Variants in FGFRL1 observed in about 807,000 individuals in gnomAD.
FGFRL1 encodes the protein fibroblast growth factor receptor like 1, also known as fibroblast growth factor receptor-like 1.
In FGFRL1, 24 loss-of-function variants were observed where a neutral mutation model predicts 36.8. The observed-to-expected ratio is 0.65, with a 90% confidence interval of 0.47 to 0.92. FGFRL1 has a LOEUF of 0.92. Among genes scored for constraint, FGFRL1 ranks in the 40% least tolerant of loss-of-function variants. The probability of loss-of-function intolerance (pLI) is 0.00; values close to 1 mark genes in which losing one functional copy is unlikely to be tolerated. For synonymous variants in FGFRL1, 422 were observed against 344.1 expected (o/e 1.23, Z -2.50); for missense variants, 785 against 753.4 (o/e 1.04, Z -0.49).
Position 1,026,829 on chromosome 4 carries a change from TAG to T in FGFRL1, c.*1485_*1486del, listed in dbSNP as rs1716566862. On this transcript the variant is annotated 3_prime_UTR_variant, in exon 7 of 7. Coordinates refer to ENST00000510644, the MANE Select transcript of FGFRL1 (RefSeq NM_001004356.3). ...GGCCCCAGATCTCTGTAATTTTATG[TAG>T]AGTTTGAGCTGAAGCCCCGTATATT... The T allele has an allele frequency of 2.2e-6, 1 of 455,322 alleles. No individual in the cohort carries two copies. The highest frequency in any genetic ancestry group is 1.6e-5 in the South Asian group (1 of 64,334). 28.2% of individuals were successfully genotyped at this position (455,322 alleles called of 1,614,324 possible). A position where few individuals can be genotyped will look rare whatever the true frequency, so the allele number is the denominator to read the frequency against.
chr4:1,023,766 C>G lies in FGFRL1; in HGVS notation c.433+45C>G, dbSNP rs760647911. On this transcript the variant is annotated intron_variant, in intron 4 of 6. Coordinates refer to ENST00000510644, the MANE Select transcript of FGFRL1 (RefSeq NM_001004356.3). The surrounding 1 kb of genome is among the most constrained non-coding windows in gnomAD (Gnocchi z 6.0). ...GGTGGGGGGCGTCCGTCTGTCCCGG[C>G]CCCTTGGCTGCATCCCCGTCCTCTG... The G allele has an allele frequency of 1.3e-6, 2 of 1,552,124 alleles. No homozygotes were observed. The highest frequency in any genetic ancestry group is 2.7e-5 in the African/African-American group (2 of 73,696).
rs925555901 is a variant in FGFRL1, at chr4:1,025,063, G to T, written c.1231G>T (p.Ala411Ser). 2 of 1,609,542 alleles carry T rather than the reference G, an allele frequency of 1.2e-6. No individual in the cohort carries two copies. The highest frequency in any genetic ancestry group is 1.3e-5 in the African/African-American group (1 of 74,818). ...AQKKPCTPAP[A>S]PPLPGHRPPG... ...GAAGAAGCCGTGCACCCCCGCGCCT[G>T]CCCCTCCCCTGCCTGGGCACCGCCC... is the stretch of plus-strand genomic sequence containing the variant. The change falls in exon 7 of 7, where the codon GCC (alanine) becomes TCC (serine). Residue 411 changes from alanine (A) to serine (S), a missense_variant. Ala to Ser is a moderately conservative substitution (Grantham distance 99, BLOSUM62 1). Transcript: ENST00000510644.
At chr4:1,013,733 C>T (rs574214311) in intron 2 of FGFRL1, among the ~76,000 whole-genome samples, 1 of 152,402 alleles carries the variant, frequency 6.6e-6, no homozygotes, top group South Asian at 2.1e-4. Context: ...GCCAGGGAGG[C>T]TCTGGAGGCC....
chr4:1,025,625 TAAG>T lies in FGFRL1; in HGVS notation c.*279_*281del. ...CAGATATGCCGCCTGGGCACACAGA[TAAG>T]CTGCCCAAATGCACGCACACGCACA... On this transcript the variant is annotated 3_prime_UTR_variant, in exon 7 of 7. Transcript: ENST00000510644. The T allele has an allele frequency of 1.9e-6, 1 of 539,396 alleles. No individual in the cohort carries two copies. The highest frequency in any genetic ancestry group is 3.6e-5 in the Admixed American group (1 of 27,984). The allele number at this position is 539,396 out of a possible 1,614,324, so 33.4% of individuals were successfully genotyped here.
rs1716495504 is a variant in FGFRL1, at chr4:1,025,850, GCACGGATATTGCCTGGACACACA to G, written c.*507_*529del. 1 of 178,780 alleles carries G rather than the reference GCACGGATATTGCCTGGACACACA, an allele frequency of 5.6e-6. No homozygotes were observed. The highest frequency in any genetic ancestry group is 1.1e-5 in the Non-Finnish European group (1 of 88,000). 11.1% of individuals were successfully genotyped at this position (178,780 alleles called of 1,614,324 possible). A position where few individuals can be genotyped will look rare whatever the true frequency, so the allele number is the denominator to read the frequency against. On this transcript the variant is annotated 3_prime_UTR_variant, in exon 7 of 7. Coordinates refer to ENST00000510644, the MANE Select transcript of FGFRL1 (RefSeq NM_001004356.3). ...GATAATGCTGCCTTGACACACACAT[GCACGGATATTGCCTGGACACACA>G]CACACACACGTGTGCACAGATATGC...
In FGFRL1 at chr4:1,023,743, T is replaced by TGGGGGGGGGGGGGGGGGGGG. The variant is rs1460444472; in HGVS notation, c.433+28_433+29insGGGGGGGGGGGGGGGGGGGG. ...TGGGGTGAGCAGGGGGTGACGGGGG[T>TGGGGGGGGGGGGGGGGGGGG]GGGGGGCGTCCGTCTGTCCCGGCCC... On this transcript the variant is annotated intron_variant, in intron 4 of 6. Coordinates refer to ENST00000510644, the MANE Select transcript of FGFRL1 (RefSeq NM_001004356.3). The surrounding 1 kb of genome is among the most constrained non-coding windows in gnomAD (Gnocchi z 6.0). The TGGGGGGGGGGGGGGGGGGGG allele has an allele frequency of 1.2e-6, 1 of 868,238 alleles. No individual in the cohort carries two copies. The highest frequency in any genetic ancestry group is 3.4e-5 in the East Asian group (1 of 29,020). The allele number at this position is 868,238 out of a possible 1,614,324, so 53.8% of individuals were successfully genotyped here.
Position 1,023,506 on chromosome 4 carries a change from G to T in FGFRL1, c.353-135G>T, listed in dbSNP as rs1483548000. On this transcript the variant is annotated intron_variant, in intron 3 of 6. Transcript: ENST00000510644. The surrounding 1 kb of genome is among the most constrained non-coding windows in gnomAD (Gnocchi z 6.0). ...CCCTGGGATTCTGGGCTGTGGGTGT[G>T]TGGCGCAGCCCCCTGCCTGGGTGTC... The T allele has an allele frequency of 3.8e-6, 3 of 795,462 alleles. No individual in the cohort carries two copies. The highest frequency in any genetic ancestry group is 6.3e-6 in the Non-Finnish European group (3 of 478,290). 49.3% of individuals were successfully genotyped at this position (795,462 alleles called of 1,614,324 possible).
chr4:1,017,737 C>G (rs1161640645), intron 2 of FGFRL1, among the ~76,000 whole-genome samples: 1 of 152,198 alleles, frequency 6.6e-6, no homozygotes, highest in African/African-American at 2.4e-5. Flanking sequence ...CTGGGTGTCT[C>G]TCCCTGTGCT....
Position 1,025,313 on chromosome 4 carries a change from G to A in FGFRL1, c.1481G>A (p.Gly494Asp), listed in dbSNP as rs149625647. The A allele has an allele frequency of 1.5e-4, 228 of 1,562,186 alleles. No homozygotes were observed. The African/African-American group carries it at 2.7e-3, about 18-fold the overall frequency. The change falls in exon 7 of 7, where the codon GGC (glycine) becomes GAC (aspartate). Residue 494 changes from glycine (G) to aspartate (D), a missense_variant. By Grantham distance (94) the Gly-to-Asp change is moderately conservative. Coordinates refer to ENST00000510644, the MANE Select transcript of FGFRL1 (RefSeq NM_001004356.3). ...TCTCACACACACTCACACGTGGAGG[G>A]CAAGGTCCACCAGCACATCCACTAT... ...THSHTHSHVE[G>D]KVHQHIHYQC is the part of the protein sequence containing the mutation.
chr4:1,017,175 C>G (rs1378872829), intron 2 of FGFRL1, among the ~76,000 whole-genome samples: 1 of 152,194 alleles, frequency 6.6e-6, no homozygotes, highest in African/African-American at 2.4e-5. Context: ...GCCACCCCCA[C>G]CCCGTGGCCA....
chr4:1,017,103 C>T (rs1292747274), intron 2 of FGFRL1, among the ~76,000 whole-genome samples: 3 of 152,310 alleles, frequency 2.0e-5, no homozygotes, highest in East Asian at 3.9e-4. Context: ...CCCCTCCCTT[C>T]TGGTCAAGGT....
chr4:1,016,847 G>A (rs531081585), intron 2 of FGFRL1, among the ~76,000 whole-genome samples: 13 of 152,276 alleles, frequency 8.5e-5, no homozygotes, highest in Middle Eastern at 3.4e-3. Context: ...TCCTGGGGGC[G>A]GCCACTCTTG....
intron 2 of FGFRL1, among the ~76,000 whole-genome samples, chr4:1,013,646 C>T (rs1306187792): frequency 6.6e-6 from 1 of 152,272 alleles, no homozygotes; most frequent in Non-Finnish European, 1.5e-5. Flanking sequence ...CTACCATGGC[C>T]AGCGGCCTGG....
rs1201128190 is a variant in FGFRL1, at chr4:1,023,090, C to A, written c.353-551C>A. Among the ~76,000 whole-genome samples, 1 of 152,074 alleles carries A rather than the reference C, an allele frequency of 6.6e-6. No individual in the cohort carries two copies. Among genetic ancestry groups the A allele is most frequent in the Non-Finnish European group, 1.5e-5 (1 of 67,966 alleles). ...TCTGAATACAGGAGCCTGGCCCAGG[C>A]CCCAGCAGGGTCTGGGGGTGCGGCC... is the stretch of plus-strand genomic sequence containing the variant. On this transcript the variant is annotated intron_variant, in intron 3 of 6. Coordinates refer to ENST00000510644, the MANE Select transcript of FGFRL1 (RefSeq NM_001004356.3). This position sits in a 1 kb window ranked among gnomAD's most constrained non-coding sequence, Gnocchi z 6.0.
chr4:1,018,594 G>T (rs1294185136), intron 2 of FGFRL1, among the ~76,000 whole-genome samples: 2 of 152,182 alleles, frequency 1.3e-5, no homozygotes, highest in African/African-American at 4.8e-5. Flanking sequence ...TCTTGGCAGG[G>T]TGCACGGCCC....
chr4:1,020,140 G>A (rs982334377), intron 2 of FGFRL1, among the ~76,000 whole-genome samples: 7 of 152,238 alleles, frequency 4.6e-5, no homozygotes, highest in African/African-American at 1.7e-4. Context: ...GCCAGTGGGA[G>A]ACGTCACAGG....
Position 1,025,311 on chromosome 4 carries a change from G to A in FGFRL1, c.1479G>A (p.Glu493=), listed in dbSNP as rs1716457705. The change falls in exon 7 of 7, where the codon GAG becomes GAA. Residue 493 remains glutamate (E), a synonymous_variant. Transcript: ENST00000510644. ...HTHSHTHSHV[E]GKVHQHIHYQ... Reference sequence around the variant, plus strand: ...ACTCTCACACACACTCACACGTGGAGGGCAAGGTCCACCAGCACATCCACT... The same window carrying A: ...ACTCTCACACACACTCACACGTGGAAGGCAAGGTCCACCAGCACATCCACT... The A allele has an allele frequency of 6.4e-7, 1 of 1,563,340 alleles. No homozygotes were observed. Among genetic ancestry groups the A allele is most frequent in the Admixed American group, 1.9e-5 (1 of 52,730 alleles).
At position 1,025,578 on chromosome 4, in the gene FGFRL1, C is replaced by T. The variant is rs1483470416; in HGVS notation, c.*231C>T. On this transcript the variant is annotated 3_prime_UTR_variant, in exon 7 of 7. Transcript: ENST00000510644. ...CGCACACGTGCTCCCTGAAGGCACA[C>T]GTACGCACACACGCACATGCACAGA... The T allele has an allele frequency of 2.8e-5, 17 of 606,822 alleles. No individual in the cohort carries two copies. Among genetic ancestry groups the T allele is most frequent in the East Asian group, 1.1e-4 (4 of 35,222 alleles). The allele number at this position is 606,822 out of a possible 1,614,324, so 37.6% of individuals were successfully genotyped here. A position where few individuals can be genotyped will look rare whatever the true frequency, so the allele number is the denominator to read the frequency against.
At position 1,024,890 on chromosome 4, in the gene FGFRL1, C is replaced by G; in HGVS notation, c.1073-15C>G. ...GGCGTTCCCCTCCCTACCTCCTTTCCTCTCGCTCTTGCAGACCCAAAACCG... is the reference window on the plus strand; with the variant it reads ...GGCGTTCCCCTCCCTACCTCCTTTCGTCTCGCTCTTGCAGACCCAAAACCG... On this transcript the variant is annotated splice_polypyrimidine_tract_variant and intron_variant, in intron 6 of 6. Transcript: ENST00000510644. 2 of 1,575,416 alleles carry G rather than the reference C, an allele frequency of 1.3e-6. No homozygotes were observed. The highest frequency in any genetic ancestry group is 1.7e-6 in the Non-Finnish European group (2 of 1,165,164).
Sources: allele counts gnomAD v4.1 joint callset (sites outside exome capture counted in the v4.1 genomes callset), GRCh38; gene constraint gnomAD v4.1.1; non-coding constraint Gnocchi (gnomAD v3.1); transcripts MANE v1.5; gene names NCBI Gene and HGNC (gene_info 2026-07-23, HGNC 2026-07-21).